Variants in SP1 observed in about 807,000 individuals in gnomAD.
SP1 encodes Sp1 transcription factor, also known as transcription factor Sp1.
A neutral mutation model predicts 66.3 loss-of-function variants in SP1; 6 were observed. The ratio of observed to expected loss-of-function variants is 0.09; its 90% CI spans 0.05 to 0.18. The LOEUF is 0.18. Among genes scored for constraint, SP1 ranks in the 10% least tolerant of loss-of-function variants. The pLI is 1.00. For synonymous variants in SP1, 417 were observed against 360.8 expected, an observed-to-expected ratio of 1.16 and a Z score of -1.77; for missense variants, 848 against 964.5, an observed-to-expected ratio of 0.88 and a Z score of 1.60.
rs1429687669 is a variant in SP1 at position 53,409,473 on chromosome 12, C to T, written c.1956C>T (p.Gly652=). The T allele has an allele frequency of 6.2e-7, 1 of 1,613,842 alleles. No homozygotes were observed. Among genetic ancestry groups the T allele is most frequent in the Non-Finnish European group, 8.5e-7 (1 of 1,179,956 alleles). The change falls in exon 5 of 6, where the codon GGC becomes GGT. Residue 652 remains glycine, a synonymous_variant. Transcript: ENST00000327443. ...GGGCACACTTGCGCTGGCATACAGG[C>T]GAGAGGCCATTTATGTGTACCTGGT... The part of the protein sequence containing the change: ...HLRAHLRWHT[G]ERPFMCTWSY...
intron 3 of SP1, among the ~76,000 whole-genome samples, chr12:53,384,484 T>A (rs1938182063): frequency 6.7e-6 from 1 of 149,808 alleles, no homozygotes; most frequent in Non-Finnish European, 1.5e-5. Flanking sequence ...AAGGTTTTGC[T>A]ATGTTGGCCA....
At chr12:53,390,950 A>G (rs141961430) in intron 3 of SP1, among the ~76,000 whole-genome samples, 53 of 152,300 alleles carry the variant, frequency 3.5e-4, no homozygotes, top group Admixed American at 5.9e-4. Context: ...TAAACGTGCA[A>G]CTAATAATTC....
intron 3 of SP1, among the ~76,000 whole-genome samples, chr12:53,384,515 C>G (rs1445437476): frequency 1.3e-5 from 2 of 151,406 alleles, no homozygotes; most frequent in East Asian, 2.0e-4. Flanking sequence ...GAACTCCTGA[C>G]CTCATGTGAA....
chr12:53,400,792 C>T (rs1414321303), intron 3 of SP1, among the ~76,000 whole-genome samples: 2 of 134,530 alleles, frequency 1.5e-5, no homozygotes, highest in South Asian at 2.4e-4. Context: ...GACAGAGTCT[C>T]GTTCTGTCGC....
intron 3 of SP1, among the ~76,000 whole-genome samples, chr12:53,386,220 C>T (rs1041470270): frequency 6.6e-6 from 1 of 151,934 alleles, no homozygotes; most frequent in African/African-American, 2.4e-5. Context: ...GTCTAACTTC[C>T]TAGACTGCTT....
intron 5 of SP1, among the ~76,000 whole-genome samples, chr12:53,410,624 C>A (rs928785338): frequency 2.6e-5 from 4 of 152,000 alleles, no homozygotes; most frequent in African/African-American, 4.8e-5. Flanking sequence ...CCTGCCTCAG[C>A]CTCTCCGAGT....
At chr12:53,393,207 C>T (rs910059175) in intron 3 of SP1, among the ~76,000 whole-genome samples, 3 of 152,180 alleles carry the variant, frequency 2.0e-5, no homozygotes, top group South Asian at 2.1e-4. Flanking sequence ...CCAGCACTTT[C>T]GGAGGTCGAG....
chr12:53,388,852 C>T (rs574674609), intron 3 of SP1, among the ~76,000 whole-genome samples: 9 of 151,964 alleles, frequency 5.9e-5, no homozygotes, highest in East Asian at 3.9e-4. Context: ...TGGTAGCACA[C>T]GCCTATAGTC....
chr12:53,391,450 G>A (rs1338267873), intron 3 of SP1, among the ~76,000 whole-genome samples: 1 of 143,136 alleles, frequency 7.0e-6, no homozygotes, highest in Non-Finnish European at 1.5e-5. Flanking sequence ...TCAGCCTCCC[G>A]AGTAGCTGGG....
At chr12:53,396,650 A>G (rs1265566805) in intron 3 of SP1, among the ~76,000 whole-genome samples, 3 of 152,202 alleles carry the variant, frequency 2.0e-5, no homozygotes, top group Admixed American at 6.6e-5. Flanking sequence ...CTTTTATGCT[A>G]TAGCTTTACT....
intron 4 of SP1, among the ~76,000 whole-genome samples, 198 bp downstream of exon 4, chr12:53,406,951 A>AGT (rs1160229816): frequency 2.6e-5 from 4 of 151,388 alleles, no homozygotes; most frequent in Non-Finnish European, 5.9e-5. Context: ...CAGCCTCCCG[A>AGT]GTAGCTGGGA....
intron 3 of SP1, among the ~76,000 whole-genome samples, chr12:53,389,462 G>A (rs1938303750): frequency 6.6e-6 from 1 of 151,864 alleles, no homozygotes; most frequent in Non-Finnish European, 1.5e-5. Context: ...GCCTGCCTCG[G>A]CCTCCCAAAG....
intron 1 of SP1, chr12:53,380,791 C>T (rs1157955851): frequency 5.3e-6 from 2 of 378,858 alleles, no homozygotes; most frequent in Non-Finnish European, 7.2e-6. Flanking sequence ...CGAAACCGCC[C>T]TTTCCCTCAG....
At chr12:53,404,516 T>C (rs1479723229) in intron 3 of SP1, among the ~76,000 whole-genome samples, 4 of 144,584 alleles carry the variant, frequency 2.8e-5, no homozygotes, top group African/African-American at 1.0e-4. Context: ...CACTCCAGCC[T>C]GGGCAACAAG....
rs1938893706 is a variant in SP1 at position 53,411,728 on chromosome 12, T to C, written c.*488T>C. 1.3e-5 allele frequency: 2 copies of C among 150,926 alleles called. No homozygotes were observed. Among genetic ancestry groups the C allele is most frequent in the South Asian group, 4.2e-4 (2 of 4,800 alleles). The allele number at this position is 150,926 out of a possible 1,614,324, so 9.3% of individuals were successfully genotyped here. On this transcript the variant is annotated 3_prime_UTR_variant, in exon 6 of 6. Transcript: ENST00000327443. ...GGTTGGCTGGGAGGAGGAAGACCAT[T>C]CTGTGACCAAAATACCTTGGTCATT...
intron 1 of SP1, chr12:53,380,631 GC>G (rs1241261408): frequency 1.0e-6 from 1 of 1,002,650 alleles, no homozygotes; most frequent in East Asian, 1.0e-4. Context: ...CGCGGGGGCG[GC>G]CCGAGCAGCG....
intron 3 of SP1, among the ~76,000 whole-genome samples, chr12:53,385,324 G>A (rs1279241591): frequency 4.0e-5 from 6 of 151,040 alleles, no homozygotes; most frequent in African/African-American, 1.2e-4. Context: ...GGCCGGGCGC[G>A]GTGGCTCACG....
chr12:53,395,363 C>T (rs1339374678), intron 3 of SP1, among the ~76,000 whole-genome samples: 2 of 151,978 alleles, frequency 1.3e-5, no homozygotes, highest in African/African-American at 2.4e-5. Flanking sequence ...ATATTTGTAT[C>T]TTCTGTCTTG....
Position 53,383,625 on chromosome 12 carries a change from A to G in SP1, c.1675+3A>G. The G allele has an allele frequency of 6.3e-7, 1 of 1,594,626 alleles. No individual in the cohort carries two copies. The highest frequency in any genetic ancestry group is 8.5e-7 in the Non-Finnish European group (1 of 1,170,672). ...GTTGGCTATAGCAAATGCCCCAGGTAAGATTTCCAATCTTGTGCATTTATT... is the reference window on the plus strand; with the variant it reads ...GTTGGCTATAGCAAATGCCCCAGGTGAGATTTCCAATCTTGTGCATTTATT... On this transcript the variant is annotated splice_donor_region_variant and intron_variant, in intron 3 of 5. Transcript: ENST00000327443.
Sources: gnomAD v4.1 joint callset for allele counts (sites outside exome capture counted in the v4.1 genomes callset) on GRCh38, gnomAD v4.1.1 for gene constraint, MANE v1.5 for transcripts, NCBI Gene and HGNC (gene_info 2026-07-23, HGNC 2026-07-21) for gene names.